Variants in ABCC4 observed in about 807,000 individuals in gnomAD.
ABCC4 encodes ATP binding cassette subfamily C member 4 (PEL blood group), also known as ATP-binding cassette sub-family C member 4.
A neutral mutation model predicts 168.5 loss-of-function variants in ABCC4; 102 were observed. The observed-to-expected ratio is 0.61, with a 90% CI of 0.52 to 0.71. The LOEUF (loss-of-function observed/expected upper bound fraction) is 0.71. Ranked by LOEUF, ABCC4 falls within the 30% of genes least tolerant of loss-of-function variation. The probability of loss-of-function intolerance (pLI) is 0.00; values close to 1 mark genes in which losing one functional copy is unlikely to be tolerated. For synonymous variants in ABCC4, 617 were observed against 590.7 expected, an observed-to-expected ratio of 1.04 and a Z score of -0.65; for missense variants, 1,402 against 1,605.8, an observed-to-expected ratio of 0.87 and a Z score of 2.17.
chr13:95,059,666 A>G (rs1022352341), intron 26 of ABCC4, among the ~76,000 whole-genome samples: 1 of 151,964 alleles, frequency 6.6e-6, no homozygotes, highest in African/African-American at 2.4e-5. Flanking sequence ...TTGCTGCTTC[A>G]CTATTTAAAT....
At chr13:95,268,912 A>C (rs1175169662) in intron 1 of ABCC4, among the ~76,000 whole-genome samples, 1 of 151,930 alleles carries the variant, frequency 6.6e-6, no homozygotes, top group African/African-American at 2.4e-5. Flanking sequence ...TTCTTTCTCT[A>C]TACTTTGTCT....
chr13:95,081,907 T>C (rs1421819145), intron 21 of ABCC4, among the ~76,000 whole-genome samples: 1 of 152,020 alleles, frequency 6.6e-6, no homozygotes, highest in Non-Finnish European at 1.5e-5. Flanking sequence ...GGCTGAGGCA[T>C]GAGAATCACT....
intron 3 of ABCC4, among the ~76,000 whole-genome samples, chr13:95,241,229 G>T (rs570342197): frequency 1.3e-5 from 2 of 151,926 alleles, no homozygotes; most frequent in African/African-American, 4.8e-5. Context: ...GCTGGGTGTG[G>T]TGGCGCACAC....
intron 27 of ABCC4, among the ~76,000 whole-genome samples, chr13:95,047,312 A>G (rs542277134): frequency 6.6e-6 from 1 of 152,244 alleles, no homozygotes; most frequent in Non-Finnish European, 1.5e-5. Flanking sequence ...AGACCATACT[A>G]AGATTATTTT....
At chr13:95,155,780 T>C (rs1481858022) in intron 19 of ABCC4, among the ~76,000 whole-genome samples, 1 of 152,132 alleles carries the variant, frequency 6.6e-6, no homozygotes, top group African/African-American at 2.4e-5. Context: ...AAAGCCAAAT[T>C]AACAAATTGA....
chr13:95,186,634 T>C (rs528700789), intron 11 of ABCC4, 67 bp downstream of exon 11: 440 of 1,443,584 alleles, frequency 3.0e-4, no homozygotes, highest in Middle Eastern at 9.1e-4. Flanking sequence ...TAATAAACCT[T>C]GTTGTTCAAG....
intron 19 of ABCC4, among the ~76,000 whole-genome samples, chr13:95,122,277 C>T (rs2139427743): frequency 6.6e-6 from 1 of 152,328 alleles, no homozygotes; most frequent in Non-Finnish European, 1.5e-5. Flanking sequence ...CTCAGACACT[C>T]AGTTATCCTA....
At chr13:95,043,537 G>T in intron 29 of ABCC4, 145 bp downstream of exon 29, 1 of 571,168 alleles carries the variant, frequency 1.8e-6, no homozygotes, top group Non-Finnish European at 3.1e-6. Flanking sequence ...GTGTAGTTAA[G>T]CATATGAATT....
rs1371792752 is a variant in ABCC4, at chr13:95,164,379, T to C, written c.2174A>G (p.Gln725Arg). 1.9e-6 allele frequency: 3 copies of C among 1,613,820 alleles called. No individual in the cohort carries two copies. Among genetic ancestry groups the C allele is most frequent in the Non-Finnish European group, 2.5e-6 (3 of 1,179,920 alleles). Residue 725 changes from glutamine (Q) to arginine (R), a missense_variant and splice_region_variant, in exon 16 of 31, where the codon CAG becomes CGG. By Grantham distance (43) the Gln-to-Arg change is conservative. Transcript: ENST00000645237. ...IFLILLNTAA[Q>R]VAYVLQDWWL... The stretch of plus-strand genomic sequence containing the variant: ...CGCAAAACAAATGTCATTATTTACC[T>C]GAGCTGCAGTGTTTAGGAGAATAAG...
At chr13:95,170,744 T>G in intron 13 of ABCC4, 116 bp from the exon 14 acceptor site, 1 of 586,246 alleles carries the variant, frequency 1.7e-6, no homozygotes, top group Non-Finnish European at 2.9e-6. Context: ...ATCTAGAGGT[T>G]AAATACAAAC....
At chr13:95,141,094 G>A (rs1319987620) in intron 19 of ABCC4, among the ~76,000 whole-genome samples, 4 of 152,168 alleles carry the variant, frequency 2.6e-5, no homozygotes, top group South Asian at 2.1e-4. Flanking sequence ...ATGAAAAGTC[G>A]TGTTGCTCAT....
chr13:95,033,409 C>T (rs2031973038), intron 30 of ABCC4, among the ~76,000 whole-genome samples: 2 of 152,280 alleles, frequency 1.3e-5, no homozygotes, highest in African/African-American at 4.8e-5. Context: ...CCTTCCCTCC[C>T]TCCATCAATA....
intron 25 of ABCC4, among the ~76,000 whole-genome samples, chr13:95,066,998 A>T (rs1024314598): frequency 2.6e-5 from 4 of 152,180 alleles, no homozygotes; most frequent in African/African-American, 9.7e-5. Flanking sequence ...ACAGCTGTTG[A>T]CAGGAAGAAC....
chr13:95,168,498 A>C (rs1566485449), intron 14 of ABCC4, among the ~76,000 whole-genome samples: 1 of 152,252 alleles, frequency 6.6e-6, no homozygotes, highest in Non-Finnish European at 1.5e-5. Flanking sequence ...TGCTATCATT[A>C]TATACCCCGT....
intron 11 of ABCC4, among the ~76,000 whole-genome samples, chr13:95,180,619 C>T (rs1307059196): frequency 2.6e-5 from 4 of 152,088 alleles, no homozygotes; most frequent in African/African-American, 7.2e-5. Flanking sequence ...AAAGACAATG[C>T]ACCATTTTAA....
chr13:95,272,910 T>C (rs1193963343), intron 1 of ABCC4, among the ~76,000 whole-genome samples: 1 of 149,330 alleles, frequency 6.7e-6, no homozygotes, highest in Non-Finnish European at 1.5e-5. Flanking sequence ...AATAAAAAAA[T>C]AAAATAAACA....
At chr13:95,281,931 AC>A (rs1463732901) in intron 1 of ABCC4, among the ~76,000 whole-genome samples, 2 of 152,072 alleles carry the variant, frequency 1.3e-5, no homozygotes, top group African/African-American at 4.8e-5. Context: ...ACATGGCAAA[AC>A]CCCGTCTCTA....
chr13:95,025,827 G>A (rs1470079558), intron 30 of ABCC4, among the ~76,000 whole-genome samples: 1 of 152,098 alleles, frequency 6.6e-6, no homozygotes, highest in African/African-American at 2.4e-5. Flanking sequence ...GCATAACAGA[G>A]ATACAAAAAT....
In ABCC4 at chr13:95,074,318, C is replaced by A. The variant is rs1176739601; in HGVS notation, c.2813G>T (p.Trp938Leu). Residue 938 changes from tryptophan to leucine, a missense_variant, in exon 23 of 31, where the codon TGG becomes TTG. Around this residue, in one of 3 missense-constraint regions of ABCC4, gnomAD observed 1,007 missense variants for 1,127.3 expected, o/e 0.89. Transcript: ENST00000645237. ...DAHQDLHSEAWFLFLTTSRWF... is the reference protein window; with the variant it reads ...DAHQDLHSEALFLFLTTSRWF... ...GCGGGACGTTGTCAAAAACAAGAACCAAGCCTCTGAATTTGAGAACGGTAA... is the reference window on the plus strand; with the variant it reads ...GCGGGACGTTGTCAAAAACAAGAACAAAGCCTCTGAATTTGAGAACGGTAA... The A allele has an allele frequency of 6.2e-7, 1 of 1,610,886 alleles. No individual in the cohort carries two copies. The highest frequency in any genetic ancestry group is 1.1e-5 in the South Asian group (1 of 90,526).
Sources: gnomAD v4.1 joint callset for allele counts (sites outside exome capture counted in the v4.1 genomes callset) on GRCh38, gnomAD v4.1.1 for gene constraint, gnomAD v4.1.1 regional missense constraint, MANE v1.5 for transcripts, NCBI Gene and HGNC (gene_info 2026-07-23, HGNC 2026-07-21) for gene names.